FAM107B: variants seen among roughly 807,000 people sequenced by gnomAD.
The protein encoded by FAM107B is family with sequence similarity 107 member B, also known as protein FAM107B.
FAM107B carries 21 observed loss-of-function variants against 31.5 expected under a neutral mutation model. The ratio of observed to expected loss-of-function variants is 0.67; its 90% CI spans 0.47 to 0.96. The LOEUF (loss-of-function observed/expected upper bound fraction) is 0.96, where lower values mean the gene tolerates loss of function less well. Ranked by LOEUF, FAM107B falls within the 40% of genes least tolerant of loss-of-function variation. FAM107B has a pLI of 0.00. For synonymous variants in FAM107B, 157 were observed against 141.5 expected (o/e 1.11, Z -0.78); for missense variants, 452 against 377.1 (o/e 1.20, Z -1.64).
At chr10:14,641,853 A>G (rs765659505) in intron 2 of FAM107B, among the ~76,000 whole-genome samples, 7 of 152,192 alleles carry the variant, frequency 4.6e-5, no homozygotes, top group Non-Finnish European at 8.8e-5. Flanking sequence ...TCCTTCTTGT[A>G]TGCAAAATAT....
chr10:14,739,960 G>A (rs921453005), intron 1 of FAM107B, among the ~76,000 whole-genome samples: 15 of 152,164 alleles, frequency 9.9e-5, no homozygotes, highest in African/African-American at 2.9e-4. Context: ...TTTATGCACT[G>A]ACAACATCAA....
At chr10:14,669,806 T>A (rs10906739) in intron 1 of FAM107B, among the ~76,000 whole-genome samples, 55,055 of 152,108 alleles carry the variant, frequency 0.36, 10,149 homozygotes, top group East Asian at 0.45. Context: ...GAAGAGAGGT[T>A]GGTTAATGGT....
chr10:14,556,690 T>G, intron 2 of FAM107B, among the ~76,000 whole-genome samples: 1 of 152,246 alleles, frequency 6.6e-6, no homozygotes, highest in Non-Finnish European at 1.5e-5. Context: ...CAAGTGCCAC[T>G]TCTCAAAGAT....
chr10:14,649,964 C>A (rs773576671), intron 2 of FAM107B, among the ~76,000 whole-genome samples: 6 of 152,184 alleles, frequency 3.9e-5, no homozygotes, highest in Non-Finnish European at 7.3e-5. Context: ...ATGTCCTGTG[C>A]GTTTCCTCCA....
chr10:14,526,899 G>A (rs535229015), intron 3 of FAM107B, among the ~76,000 whole-genome samples: 2 of 151,024 alleles, frequency 1.3e-5, no homozygotes, highest in Non-Finnish European at 2.9e-5. Context: ...GTGTAGTGGC[G>A]CCATCTCAGC....
chr10:14,722,754 T>C lies in FAM107B; in HGVS notation c.411+51499A>G, dbSNP rs529448303. The stretch of plus-strand genomic sequence containing the variant: ...TATAATTTGCAAATATTTTCTCTTA[T>C]CCCATAGGTTGTCTTTTTAATTTCT... On this transcript the variant is annotated intron_variant, in intron 1 of 4. Coordinates refer to ENST00000181796, the MANE Select transcript of FAM107B (RefSeq NM_031453.4). Among the ~76,000 whole-genome samples, 13 of 152,306 alleles carry C rather than the reference T, an allele frequency of 8.5e-5. 1 individual carries two copies. Among genetic ancestry groups the C allele is most frequent in the Middle Eastern group, 3.4e-3 (1 of 294 alleles).
intron 1 of FAM107B, among the ~76,000 whole-genome samples, chr10:14,733,989 C>A (rs1454820138): frequency 6.6e-6 from 1 of 152,122 alleles, no homozygotes; most frequent in African/African-American, 2.4e-5. Flanking sequence ...ACCGAAGCAA[C>A]GTGTTCAACT....
At chr10:14,634,137 C>T (rs1588672868) in intron 2 of FAM107B, among the ~76,000 whole-genome samples, 2 of 152,262 alleles carry the variant, frequency 1.3e-5, no homozygotes, top group South Asian at 2.1e-4. Context: ...TGGCTCACAC[C>T]TGTAATCCCA....
At chr10:14,771,719 G>A (rs1833307089) in intron 1 of FAM107B, among the ~76,000 whole-genome samples, 1 of 152,184 alleles carries the variant, frequency 6.6e-6, no homozygotes, top group African/African-American at 2.4e-5. Flanking sequence ...CCTTCGTTAT[G>A]TTGCCCAGGC....
At chr10:14,551,709 T>C (rs1849285394) in intron 2 of FAM107B, among the ~76,000 whole-genome samples, 1 of 151,886 alleles carries the variant, frequency 6.6e-6, no homozygotes, top group Non-Finnish European at 1.5e-5. Flanking sequence ...AATATCTGTA[T>C]TACCATTACT....
chr10:14,746,011 A>T, intron 1 of FAM107B, among the ~76,000 whole-genome samples: 1 of 152,150 alleles, frequency 6.6e-6, no homozygotes, highest in South Asian at 2.1e-4. Context: ...TATATATGAT[A>T]GCTCTTCTTG....
intron 2 of FAM107B, among the ~76,000 whole-genome samples, chr10:14,539,257 G>A (rs1194660841): frequency 6.6e-6 from 1 of 152,222 alleles, no homozygotes; most frequent in Non-Finnish European, 1.5e-5. Context: ...ACTGGAGCAG[G>A]ATCTCAGAGA....
intron 2 of FAM107B, among the ~76,000 whole-genome samples, chr10:14,651,865 T>G (rs1445944054): frequency 6.6e-6 from 1 of 152,060 alleles, no homozygotes; most frequent in Non-Finnish European, 1.5e-5. Context: ...AAGAGAATAA[T>G]AACCCAAACC....
chr10:14,726,940 A>G (rs1014140416), intron 1 of FAM107B, among the ~76,000 whole-genome samples: 5 of 152,114 alleles, frequency 3.3e-5, no homozygotes, highest in Non-Finnish European at 7.3e-5. Flanking sequence ...AACATAATGT[A>G]GAAACAGTGG....
intron 2 of FAM107B, among the ~76,000 whole-genome samples, chr10:14,634,056 T>A (rs1853434765): frequency 1.3e-5 from 2 of 152,186 alleles, no homozygotes; most frequent in Admixed American, 6.5e-5. Flanking sequence ...AATTGAGTTA[T>A]GCTTTTAAGA....
At chr10:14,735,878 T>A (rs1481994102) in intron 1 of FAM107B, among the ~76,000 whole-genome samples, 1 of 152,176 alleles carries the variant, frequency 6.6e-6, no homozygotes, top group Non-Finnish European at 1.5e-5. Flanking sequence ...CATTTCCTAG[T>A]GACATTACTA....
chr10:14,553,130 A>C (rs1849408107), intron 2 of FAM107B, among the ~76,000 whole-genome samples: 1 of 152,164 alleles, frequency 6.6e-6, no homozygotes, highest in Non-Finnish European at 1.5e-5. Flanking sequence ...TCTTCCACCT[A>C]ATCTTTAAAC....
At chr10:14,586,910 G>A (rs1411449472) in intron 2 of FAM107B, among the ~76,000 whole-genome samples, 2 of 152,296 alleles carry the variant, frequency 1.3e-5, no homozygotes, top group East Asian at 1.9e-4. Context: ...GGTGGAGAAG[G>A]CCCAAGAGGA....
At chr10:14,602,446 G>C (rs1309081358) in intron 2 of FAM107B, 1 of 152,234 alleles carries the variant, frequency 6.6e-6, no homozygotes, top group Non-Finnish European at 1.5e-5. Flanking sequence ...AAAGCGTCCA[G>C]TGGCCAAATC....
Sources: allele counts gnomAD v4.1 joint callset (sites outside exome capture counted in the v4.1 genomes callset), GRCh38; gene constraint gnomAD v4.1.1; transcripts MANE v1.5; gene names NCBI Gene and HGNC (gene_info 2026-07-23, HGNC 2026-07-21).